GRID1: variants seen among roughly 807,000 people sequenced by gnomAD.
GRID1 encodes the protein glutamate ionotropic receptor delta type subunit 1, also known as glutamate receptor ionotropic, delta-1.
Under a neutral mutation model 98.0 loss-of-function variants are expected in GRID1, and 28 were observed. The ratio of observed to expected loss-of-function variants is 0.29; its 90% CI spans 0.21 to 0.39. The LOEUF (loss-of-function observed/expected upper bound fraction) is 0.39, where lower values mean the gene tolerates loss of function less well. GRID1 is among the 10% of genes least tolerant of loss of function. The pLI is 1.00. For synonymous variants in GRID1, 553 were observed against 538.5 expected (o/e 1.03, Z -0.37); for missense variants, 1,111 against 1,340.5 (o/e 0.83, Z 2.67).
At chr10:85,615,399 G>A (rs1234747303) in intron 14 of GRID1, among the ~76,000 whole-genome samples, 1 of 152,194 alleles carries the variant, frequency 6.6e-6, no homozygotes, top group Non-Finnish European at 1.5e-5. Flanking sequence ...GGAGCTGTGG[G>A]TTACTCTGTT....
intron 8 of GRID1, among the ~76,000 whole-genome samples, chr10:85,808,729 A>G (rs1483161662): frequency 6.6e-6 from 1 of 152,210 alleles, no homozygotes; most frequent in Non-Finnish European, 1.5e-5. Flanking sequence ...TTAGCAACAA[A>G]AATGACTTTT....
intron 12 of GRID1, among the ~76,000 whole-genome samples, chr10:85,667,637 C>T (rs547234662): frequency 3.2e-4 from 48 of 152,294 alleles, no homozygotes; most frequent in African/African-American, 8.7e-4. Context: ...GACTCCTAAC[C>T]GTGCTCCTGC....
chr10:86,216,477 T>C (rs1846178546), intron 2 of GRID1, among the ~76,000 whole-genome samples: 1 of 152,140 alleles, frequency 6.6e-6, no homozygotes, highest in African/African-American at 2.4e-5. Flanking sequence ...AAGACTAGAG[T>C]TAGCCTTCAG....
chr10:85,878,154 T>C (rs1840930719), intron 5 of GRID1, among the ~76,000 whole-genome samples: 1 of 152,168 alleles, frequency 6.6e-6, no homozygotes, highest in Admixed American at 6.5e-5. Context: ...TTGGTGTACC[T>C]GAAAGTGACG....
At chr10:85,690,447 A>G (rs1841319331) in intron 12 of GRID1, among the ~76,000 whole-genome samples, 1 of 152,180 alleles carries the variant, frequency 6.6e-6, no homozygotes, top group Non-Finnish European at 1.5e-5. Context: ...GTTTTTAACC[A>G]ATTACAAATC....
At chr10:85,823,335 A>G (rs1227584324) in intron 8 of GRID1, among the ~76,000 whole-genome samples, 1 of 152,196 alleles carries the variant, frequency 6.6e-6, no homozygotes, top group African/African-American at 2.4e-5. Context: ...TTATTGAAAA[A>G]TCCATGATAT....
chr10:85,788,356 T>A (rs1842448805), intron 8 of GRID1, among the ~76,000 whole-genome samples: 1 of 152,178 alleles, frequency 6.6e-6, no homozygotes, highest in Non-Finnish European at 1.5e-5. Flanking sequence ...AGCCCCTCTA[T>A]TCCTACTTAG....
intron 4 of GRID1, among the ~76,000 whole-genome samples, chr10:85,995,107 C>G (rs555775794): frequency 2.6e-5 from 4 of 151,422 alleles, no homozygotes; most frequent in African/African-American, 4.8e-5. Flanking sequence ...AGAAGTGGAA[C>G]CCTGCACCTA....
At chr10:86,110,550 AC>A (rs1844465189) in intron 4 of GRID1, among the ~76,000 whole-genome samples, 1 of 152,030 alleles carries the variant, frequency 6.6e-6, no homozygotes, top group Non-Finnish European at 1.5e-5. Flanking sequence ...AGCCTCTACC[AC>A]CCAGAAGCCT....
At chr10:86,338,552 T>A (rs908821883) in intron 2 of GRID1, among the ~76,000 whole-genome samples, 15 of 151,838 alleles carry the variant, frequency 9.9e-5, no homozygotes, top group African/African-American at 1.9e-4. Context: ...CACCTAAGAG[T>A]CCACAGTAAC....
chr10:85,959,360 G>A (rs1242701734), intron 4 of GRID1, among the ~76,000 whole-genome samples: 1 of 152,208 alleles, frequency 6.6e-6, no homozygotes, highest in Non-Finnish European at 1.5e-5. Context: ...GGAACAAGAC[G>A]AGGTGCAGCA....
At chr10:86,150,319 C>T (rs190093895) in intron 3 of GRID1, among the ~76,000 whole-genome samples, 20 of 152,180 alleles carry the variant, frequency 1.3e-4, no homozygotes, top group African/African-American at 4.1e-4. Context: ...TCCCTCTCTG[C>T]GGCTTGTGAG....
chr10:85,751,764 T>C (rs913736410), intron 8 of GRID1, among the ~76,000 whole-genome samples: 1 of 152,178 alleles, frequency 6.6e-6, no homozygotes, highest in Non-Finnish European at 1.5e-5. Flanking sequence ...CAAAAATTAA[T>C]GATTTAAGTA....
chr10:86,352,766 G>A (rs1216642873), intron 2 of GRID1, among the ~76,000 whole-genome samples: 1 of 152,124 alleles, frequency 6.6e-6, no homozygotes, highest in Non-Finnish European at 1.5e-5. Context: ...GGTTTTGCAT[G>A]GCCCCCTCAG....
intron 6 of GRID1, among the ~76,000 whole-genome samples, chr10:85,868,068 C>T (rs1589280720): frequency 6.6e-6 from 1 of 152,188 alleles, no homozygotes; most frequent in Non-Finnish European, 1.5e-5. Flanking sequence ...CAGATACAGC[C>T]GTCTCTGTTC....
intron 4 of GRID1, among the ~76,000 whole-genome samples, chr10:86,036,389 G>C (rs1039858276): frequency 6.6e-6 from 1 of 152,296 alleles, no homozygotes; most frequent in African/African-American, 2.4e-5. Flanking sequence ...GAGGCTATCA[G>C]TCCAAATGCC....
intron 9 of GRID1, among the ~76,000 whole-genome samples, chr10:85,728,558 ACCAGAAG>A (rs2132657305): frequency 6.6e-6 from 1 of 152,334 alleles, no homozygotes; most frequent in Non-Finnish European, 1.5e-5. Context: ...CCAAGGCCAG[ACCAGAAG>A]CCAAAGGGTA....
intron 12 of GRID1, among the ~76,000 whole-genome samples, chr10:85,717,874 C>A (rs1841657111): frequency 1.3e-5 from 2 of 152,054 alleles, no homozygotes; most frequent in African/African-American, 4.8e-5. Flanking sequence ...TTGGCCACAA[C>A]AAAGGGGTTA....
At chr10:86,086,675 T>A (rs1844062790) in intron 4 of GRID1, among the ~76,000 whole-genome samples, 1 of 152,130 alleles carries the variant, frequency 6.6e-6, no homozygotes, top group South Asian at 2.1e-4. Context: ...TGCACAAGTG[T>A]CCATGTGTGT....
Sources: gnomAD v4.1 joint callset for allele counts (sites outside exome capture counted in the v4.1 genomes callset) on GRCh38, gnomAD v4.1.1 for gene constraint, MANE v1.5 for transcripts, NCBI Gene and HGNC (gene_info 2026-07-23, HGNC 2026-07-21) for gene names.